UGGT1: variants seen among roughly 807,000 people sequenced by gnomAD.
UGGT1 encodes UDP-glucose glycoprotein glucosyltransferase 1, also known as UDP-glucose:glycoprotein glucosyltransferase 1.
Under a neutral mutation model 203.9 loss-of-function variants are expected in UGGT1, and 107 were observed. The observed-to-expected ratio is 0.52, with a 90% CI of 0.45 to 0.62. UGGT1 has a LOEUF of 0.62. UGGT1 is among the 20% of genes least tolerant of loss of function. The pLI is 0.00. For missense variants in UGGT1, 1,673 were observed against 1,867.2 expected (o/e 0.90, Z 1.92); for synonymous variants, 628 against 653.5 (o/e 0.96, Z 0.59).
In UGGT1 at chr2:128,142,489, G is replaced by A. The variant is rs193258932; in HGVS notation, c.1720-605G>A. On this transcript the variant is annotated intron_variant, in intron 16 of 40. Coordinates refer to ENST00000259253, the MANE Select transcript of UGGT1 (RefSeq NM_020120.4). ...AGTCCCAGCTACTCAGGAGGCTGAG[G>A]CAGGAGAAGCGCTTGAACCTGGGAG... Among the ~76,000 whole-genome samples, 265 of 150,354 alleles carry A rather than the reference G, an allele frequency of 1.8e-3. 6 individuals are homozygous for A. The highest frequency in any genetic ancestry group is 0.011 in the South Asian group (54 of 4,742).
intron 13 of UGGT1, among the ~76,000 whole-genome samples, chr2:128,131,886 C>T (rs1688896923): frequency 6.6e-6 from 1 of 152,138 alleles, no homozygotes; most frequent in South Asian, 2.1e-4. Context: ...TTTGGCCTCC[C>T]AAAGTGCTGG....
intron 35 of UGGT1, among the ~76,000 whole-genome samples, chr2:128,180,551 A>G (rs1263929699): frequency 1.3e-5 from 2 of 152,222 alleles, no homozygotes; most frequent in Non-Finnish European, 1.5e-5. Flanking sequence ...GCTTGTCATC[A>G]AGCTCAGTAA....
In UGGT1 at chr2:128,091,214, T is replaced by G; in HGVS notation, c.-144T>G. On this transcript the variant is annotated 5_prime_UTR_variant, in exon 1 of 41. Transcript: ENST00000259253. ...GGGCGGCCGGCAGCTGGGCAATTGCTTTGCGAGGCTGGGTGTTGAGTCGAG... is the reference window on the plus strand; with the variant it reads ...GGGCGGCCGGCAGCTGGGCAATTGCGTTGCGAGGCTGGGTGTTGAGTCGAG... The G allele has an allele frequency of 1.1e-6, 1 of 918,482 alleles. No homozygotes were observed. Among genetic ancestry groups the G allele is most frequent in the Non-Finnish European group, 1.6e-6 (1 of 644,372 alleles). 56.9% of individuals were successfully genotyped at this position (918,482 alleles called of 1,614,324 possible). A position where few individuals can be genotyped will look rare whatever the true frequency, so the allele number is the denominator to read the frequency against.
chr2:128,187,748 G>A (rs1692056732), intron 40 of UGGT1, 134 bp downstream of exon 40: 1 of 980,348 alleles, frequency 1.0e-6, no homozygotes, highest in African/African-American at 1.7e-5. Flanking sequence ...ACATCAACCA[G>A]TATATATTTT....
At chr2:128,138,949 A>G (rs1041006257) in intron 16 of UGGT1, 97 bp downstream of exon 16, 7 of 1,494,582 alleles carry the variant, frequency 4.7e-6, no homozygotes, top group East Asian at 2.3e-5. Context: ...TGGGGTGTAT[A>G]GAGCTCAGGG....
intron 3 of UGGT1, among the ~76,000 whole-genome samples, chr2:128,106,693 G>T (rs1371567693): frequency 6.6e-6 from 1 of 152,044 alleles, no homozygotes; most frequent in Non-Finnish European, 1.5e-5. Flanking sequence ...GGGATTACAG[G>T]TGCATGCCAC....
chr2:128,136,498 A>G (rs1689136447), intron 15 of UGGT1, among the ~76,000 whole-genome samples: 1 of 152,212 alleles, frequency 6.6e-6, no homozygotes, highest in Non-Finnish European at 1.5e-5. Context: ...TTCACTGAGC[A>G]ATGTGCATTT....
At chr2:128,122,609 T>C (rs1688434900) in intron 10 of UGGT1, among the ~76,000 whole-genome samples, 1 of 152,112 alleles carries the variant, frequency 6.6e-6, no homozygotes. Flanking sequence ...GCACATCTCA[T>C]AAATGCAAGG....
At chr2:128,127,577 TG>T in intron 12 of UGGT1, 125 bp downstream of exon 12, 1 of 692,132 alleles carries the variant, frequency 1.4e-6, no homozygotes, top group Non-Finnish European at 2.5e-6. Flanking sequence ...CAGCCCCCAC[TG>T]GGTGGACGTA....
intron 8 of UGGT1, among the ~76,000 whole-genome samples, chr2:128,118,408 G>A (rs1361738928): frequency 6.6e-6 from 1 of 152,150 alleles, no homozygotes; most frequent in Non-Finnish European, 1.5e-5. Context: ...TGGGACTACA[G>A]TTGTGTGCCA....
chr2:128,174,249 TC>T (rs894769954), intron 30 of UGGT1, among the ~76,000 whole-genome samples: 1 of 152,150 alleles, frequency 6.6e-6, no homozygotes, highest in Non-Finnish European at 1.5e-5. Context: ...CGTTGATTCT[TC>T]CCTGAAGCAC....
intron 27 of UGGT1, 92 bp downstream of exon 27, chr2:128,170,482 C>T (rs2104778733): frequency 9.5e-7 from 1 of 1,057,820 alleles, no homozygotes; most frequent in Non-Finnish European, 1.4e-6. Context: ...CCTTGAGTTG[C>T]CTTCAACAGG....
intron 29 of UGGT1, 85 bp from the exon 30 acceptor site, chr2:128,173,695 TC>T: frequency 6.9e-7 from 1 of 1,459,514 alleles, no homozygotes; most frequent in Non-Finnish European, 9.3e-7. Context: ...GTCCTTTTTG[TC>T]TGCTTCCTTT....
chr2:128,143,134 A>G lies in UGGT1; in HGVS notation c.1760A>G (p.Glu587Gly). 2.5e-6 allele frequency: 4 copies of G among 1,613,948 alleles called. No homozygotes were observed. The highest frequency in any genetic ancestry group is 3.4e-6 in the Non-Finnish European group (4 of 1,179,940). ...KVRTGEKVKV[E>G]HVVSVLEKKY... is the part of the protein sequence containing the mutation. ...AGGACTGGAGAAAAAGTGAAAGTTG[A>G]ACATGTGGTCAGTGTCCTGGAGAAG... Residue 587 changes from glutamate to glycine, a missense_variant, in exon 17 of 41, where the codon GAA (glutamate) becomes GGA (glycine). By Grantham distance (98) the Glu-to-Gly change is moderately conservative. This residue lies in a region of UGGT1 where 1,073 missense variants were observed against 1,078.7 expected (regional missense o/e 0.99). Transcript: ENST00000259253.
intron 26 of UGGT1, among the ~76,000 whole-genome samples, chr2:128,168,158 C>T (rs987015747): frequency 1.3e-5 from 2 of 152,198 alleles, no homozygotes; most frequent in Admixed American, 6.5e-5. Context: ...CTGGACCCGT[C>T]CCCAGAGTTT....
In UGGT1 at chr2:128,159,557, C is replaced by T; in HGVS notation, c.2399C>T (p.Ala800Val). ...AGAATAAGCATGATCAATAATCCTG[C>T]CAAAGAGATAAGCTATGAGAACACT... ...NVRISMINNP[A>V]KEISYENTQI... Residue 800 changes from alanine to valine, a missense_variant, in exon 23 of 41, where the codon GCC becomes GTC. Physicochemically the swap from Ala to Val is moderately conservative, Grantham distance 64. Around this residue, in one of 4 missense-constraint regions of UGGT1, gnomAD observed 1,073 missense variants for 1,078.7 expected, o/e 0.99. Coordinates refer to ENST00000259253, the MANE Select transcript of UGGT1 (RefSeq NM_020120.4). 6.2e-7 allele frequency: 1 copy of T among 1,614,152 alleles called. No individual in the cohort carries two copies. Among genetic ancestry groups the T allele is most frequent in the Non-Finnish European group, 8.5e-7 (1 of 1,180,026 alleles).
intron 18 of UGGT1, chr2:128,151,317 A>G: frequency 1.8e-6 from 1 of 567,698 alleles, no homozygotes. Flanking sequence ...GCACCTTCAC[A>G]GGCAGACATG....
chr2:128,134,046 C>CG (rs980433927), intron 14 of UGGT1, among the ~76,000 whole-genome samples: 2 of 151,756 alleles, frequency 1.3e-5, no homozygotes, highest in African/African-American at 4.8e-5. Context: ...TTTCTTCCCC[C>CG]CACTCCCGCA....
At chr2:128,137,317 G>C (rs1228025098) in intron 15 of UGGT1, among the ~76,000 whole-genome samples, 1 of 152,216 alleles carries the variant, frequency 6.6e-6, no homozygotes, top group East Asian at 1.9e-4. Flanking sequence ...TACTTGGGAG[G>C]CTGAAGTGGA....
Sources: allele counts gnomAD v4.1 joint callset (sites outside exome capture counted in the v4.1 genomes callset), GRCh38; gene constraint gnomAD v4.1.1; regional missense constraint gnomAD v4.1.1; transcripts MANE v1.5; gene names NCBI Gene and HGNC (gene_info 2026-07-23, HGNC 2026-07-21).